MACROD2: variants seen among roughly 807,000 people sequenced by gnomAD.
The protein encoded by MACROD2 is mono-ADP ribosylhydrolase 2, also known as ADP-ribose glycohydrolase MACROD2.
Under a neutral mutation model 70.4 loss-of-function variants are expected in MACROD2, and 36 were observed. The observed-to-expected ratio is 0.51, with a 90% CI of 0.39 to 0.68. MACROD2 has a LOEUF of 0.68. Among genes scored for constraint, MACROD2 ranks in the 30% least tolerant of loss-of-function variants. The pLI, the probability that MACROD2 is intolerant of heterozygous loss-of-function variation, is 0.00. For synonymous variants in MACROD2, 172 were observed against 178.8 expected (o/e 0.96, Z 0.30); for missense variants, 496 against 538.4 (o/e 0.92, Z 0.78).
intron 4 of MACROD2, among the ~76,000 whole-genome samples, chr20:14,636,984 A>G (rs890875009): frequency 6.6e-6 from 1 of 152,194 alleles, no homozygotes; most frequent in African/African-American, 2.4e-5. Flanking sequence ...AAAAGCTGAA[A>G]TGCAGAATAA....
intron 15 of MACROD2, among the ~76,000 whole-genome samples, chr20:16,038,611 A>C (rs992289483): frequency 2.0e-5 from 3 of 151,834 alleles, no homozygotes; most frequent in African/African-American, 7.3e-5. Flanking sequence ...TTTGCCGTAA[A>C]AATTATTCAA....
chr20:14,859,093 G>C (rs1320680135), intron 5 of MACROD2, among the ~76,000 whole-genome samples: 2 of 151,992 alleles, frequency 1.3e-5, no homozygotes, highest in African/African-American at 4.8e-5. Context: ...TGGGAGGGGG[G>C]TGAGCGGTAA....
chr20:14,810,249 G>C (rs2072692848), intron 5 of MACROD2, among the ~76,000 whole-genome samples: 1 of 152,084 alleles, frequency 6.6e-6, no homozygotes, highest in African/African-American at 2.4e-5. Context: ...CCATGATCAA[G>C]TCGGCTTCAT....
chr20:14,985,072 C>T (rs1241335337), intron 5 of MACROD2, among the ~76,000 whole-genome samples: 1 of 152,146 alleles, frequency 6.6e-6, no homozygotes, highest in East Asian at 1.9e-4. Context: ...TGCATCACTG[C>T]ACTCTTCTAA....
intron 5 of MACROD2, among the ~76,000 whole-genome samples, chr20:14,914,990 T>A (rs941515478): frequency 4.6e-5 from 7 of 152,176 alleles, no homozygotes; most frequent in African/African-American, 4.8e-5. Flanking sequence ...CTGATTTTTT[T>A]AAAAAAGAAT....
intron 8 of MACROD2, among the ~76,000 whole-genome samples, chr20:15,632,114 G>C (rs1291666762): frequency 6.6e-6 from 1 of 151,598 alleles, no homozygotes; most frequent in Non-Finnish European, 1.5e-5. Context: ...ACTCCAGCCT[G>C]GGCAACAAAA....
rs141237379 is a variant in MACROD2, at chr20:14,697,666, T to C, written c.418+12707T>C. On this transcript the variant is annotated intron_variant, in intron 5 of 17. Coordinates refer to ENST00000684519, the MANE Select transcript of MACROD2 (RefSeq NM_001351661.2). ...TCTCATTTTTTTTCTTATCACTCCATTCAGAAATAAGGGATCGATATTTTA... is the reference window on the plus strand; with the variant it reads ...TCTCATTTTTTTTCTTATCACTCCACTCAGAAATAAGGGATCGATATTTTA... Among the ~76,000 whole-genome samples the C allele has an allele frequency of 1.9e-3, 295 of 152,304 alleles. 6 individuals are homozygous for C. In the East Asian group the frequency reaches 0.048, roughly 25 times the overall value.
At chr20:15,974,919 G>A (rs1406449556) in intron 13 of MACROD2, among the ~76,000 whole-genome samples, 2 of 151,868 alleles carry the variant, frequency 1.3e-5, no homozygotes, top group African/African-American at 2.4e-5. Context: ...TAACAAAATT[G>A]TAATAGATAA....
intron 5 of MACROD2, among the ~76,000 whole-genome samples, chr20:14,984,251 A>C (rs2074828430): frequency 6.6e-6 from 1 of 152,186 alleles, no homozygotes; most frequent in South Asian, 2.1e-4. Context: ...GTTTGTAGGT[A>C]GGAGAGTACA....
chr20:15,076,617 A>C (rs1391429851), intron 5 of MACROD2, among the ~76,000 whole-genome samples: 1 of 152,162 alleles, frequency 6.6e-6, no homozygotes. Flanking sequence ...AGATATAGCT[A>C]CAAATATGTT....
intron 8 of MACROD2, among the ~76,000 whole-genome samples, chr20:15,829,577 T>A (rs1258226574): frequency 6.6e-6 from 1 of 152,200 alleles, no homozygotes; most frequent in Non-Finnish European, 1.5e-5. Flanking sequence ...AGTTGGTTCC[T>A]TCATTCAAAG....
intron 8 of MACROD2, among the ~76,000 whole-genome samples, chr20:15,750,573 A>G (rs1223226694): frequency 6.6e-6 from 1 of 151,224 alleles, no homozygotes; most frequent in African/African-American, 2.4e-5. Flanking sequence ...AAAAAAAAAT[A>G]TAGAAATACA....
intron 15 of MACROD2, among the ~76,000 whole-genome samples, chr20:16,021,926 T>G (rs1167547904): frequency 2.7e-5 from 4 of 150,864 alleles, no homozygotes; most frequent in Admixed American, 2.6e-4. Flanking sequence ...AATTAATAAA[T>G]GAATGAATGA....
chr20:14,839,543 T>G (rs1702070135), intron 5 of MACROD2, among the ~76,000 whole-genome samples: 1 of 152,064 alleles, frequency 6.6e-6, no homozygotes, highest in Non-Finnish European at 1.5e-5. Context: ...AAAATAATGT[T>G]TATCATGGCA....
At chr20:15,127,873 C>A (rs1423093656) in intron 5 of MACROD2, among the ~76,000 whole-genome samples, 1 of 152,082 alleles carries the variant, frequency 6.6e-6, no homozygotes, top group Non-Finnish European at 1.5e-5. Context: ...AATTAGGGGT[C>A]ATCTTAGAGG....
chr20:15,145,287 A>AT (rs1054648606), intron 5 of MACROD2, among the ~76,000 whole-genome samples: 25 of 152,244 alleles, frequency 1.6e-4, no homozygotes, highest in African/African-American at 6.0e-4. Flanking sequence ...TTTGGGATTT[A>AT]TTTTCTGGGT....
At chr20:15,829,111 G>A (rs972179109) in intron 8 of MACROD2, among the ~76,000 whole-genome samples, 49 of 148,326 alleles carry the variant, frequency 3.3e-4, no homozygotes, top group African/African-American at 1.0e-3. Context: ...ATTATTATCG[G>A]AAAAAAAAAA....
chr20:14,069,515 A>G (rs2053811377), intron 2 of MACROD2, among the ~76,000 whole-genome samples: 1 of 151,774 alleles, frequency 6.6e-6, no homozygotes, highest in African/African-American at 2.4e-5. Flanking sequence ...AGGCATTTGG[A>G]TATTAGATTT....
intron 8 of MACROD2, among the ~76,000 whole-genome samples, chr20:15,510,398 G>C (rs188838087): frequency 6.6e-6 from 1 of 152,224 alleles, no homozygotes; most frequent in African/African-American, 2.4e-5. Context: ...ACTAGGACTC[G>C]TATGCTGCCC....
Sources: allele counts gnomAD v4.1 joint callset (sites outside exome capture counted in the v4.1 genomes callset), GRCh38; gene constraint gnomAD v4.1.1; transcripts MANE v1.5; gene names NCBI Gene and HGNC (gene_info 2026-07-23, HGNC 2026-07-21).